Variants in TSPAN5 observed in about 807,000 individuals in gnomAD.
The protein encoded by TSPAN5 is tetraspanin 5.
Under a neutral mutation model 37.1 loss-of-function variants are expected in TSPAN5, and 10 were observed. The ratio of observed to expected loss-of-function variants is 0.27; its 90% CI spans 0.17 to 0.46. The LOEUF is 0.46. Ranked by LOEUF, TSPAN5 falls within the 20% of genes least tolerant of loss-of-function variation. The probability of loss-of-function intolerance (pLI) is 1.00; values close to 1 mark genes in which losing one functional copy is unlikely to be tolerated. For synonymous variants in TSPAN5, 110 were observed against 118.9 expected (o/e 0.93, Z 0.48); for missense variants, 195 against 326.6 (o/e 0.60, Z 3.11).
At chr4:98,539,617 G>A (rs1754315525) in intron 1 of TSPAN5, among the ~76,000 whole-genome samples, 4 of 152,170 alleles carry the variant, frequency 2.6e-5, no homozygotes, top group African/African-American at 9.6e-5. Flanking sequence ...ACTCTAGGGG[G>A]AAGAAAAGGA....
intron 1 of TSPAN5, among the ~76,000 whole-genome samples, chr4:98,655,004 A>C (rs1027271121): frequency 5.9e-5 from 9 of 151,970 alleles, no homozygotes; most frequent in Non-Finnish European, 1.3e-4. Flanking sequence ...CCGCCAACAC[A>C]CCTGGCTAGT....
intron 2 of TSPAN5, among the ~76,000 whole-genome samples, chr4:98,501,903 A>G (rs1051127194): frequency 2.0e-5 from 3 of 152,202 alleles, no homozygotes; most frequent in African/African-American, 7.2e-5. Flanking sequence ...TCAGGGTGCA[A>G]GAGCAGAGGC....
chr4:98,499,159 A>G (rs1003038059), intron 2 of TSPAN5, among the ~76,000 whole-genome samples: 4 of 152,290 alleles, frequency 2.6e-5, no homozygotes, highest in African/African-American at 9.6e-5. Flanking sequence ...GAGCTTCACA[A>G]AGACCAGGAT....
At chr4:98,651,319 T>C (rs909574083) in intron 1 of TSPAN5, among the ~76,000 whole-genome samples, 9 of 152,210 alleles carry the variant, frequency 5.9e-5, no homozygotes, top group Non-Finnish European at 1.3e-4. Context: ...AAGAGCATGA[T>C]AGTGAAGGAC....
rs1274993465 is a variant in TSPAN5, at chr4:98,552,183, T to G, written c.82-44455A>C. Among the ~76,000 whole-genome samples the G allele has an allele frequency of 8.5e-5, 13 of 152,186 alleles. 1 individual carries two copies. The highest frequency in any genetic ancestry group is 3.9e-4 in the Admixed American group (6 of 15,284). On this transcript the variant is annotated intron_variant, in intron 1 of 7. Transcript: ENST00000305798. ...TTCATTTCACTCATCCTTTGTATTG[T>G]TTTTTGGTCTCTAGTTCATGTAGTT...
intron 2 of TSPAN5, among the ~76,000 whole-genome samples, chr4:98,496,055 A>G (rs1159288988): frequency 2.0e-5 from 3 of 152,134 alleles, no homozygotes; most frequent in Non-Finnish European, 4.4e-5. Context: ...CCTACTGACA[A>G]CAGTTTTCCT....
intron 1 of TSPAN5, among the ~76,000 whole-genome samples, chr4:98,567,329 C>T (rs1212872833): frequency 6.6e-6 from 1 of 152,000 alleles, no homozygotes. Context: ...TTTTAACACA[C>T]ACAAAAAAAG....
rs77465105 is a variant in TSPAN5, at chr4:98,491,707, G to A, written c.133-4823C>T. On this transcript the variant is annotated intron_variant, in intron 2 of 7. Transcript: ENST00000305798. Reference sequence around the variant, plus strand: ...GTCTAAAAAAAAAAAAAAAGGTGGGGGGGAACATAATCCTGACAACAGTGA... The same window carrying A: ...GTCTAAAAAAAAAAAAAAAGGTGGGAGGGAACATAATCCTGACAACAGTGA... Among the ~76,000 whole-genome samples, 586 of 151,920 alleles carry A rather than the reference G, an allele frequency of 3.9e-3. 5 individuals carry two copies. Among genetic ancestry groups the A allele is most frequent in the African/African-American group, 0.014 (562 of 41,446 alleles).
chr4:98,558,004 T>C (rs1348977003), intron 1 of TSPAN5, among the ~76,000 whole-genome samples: 1 of 152,170 alleles, frequency 6.6e-6, no homozygotes. Flanking sequence ...GGTGAGATCC[T>C]GGAACAGAAA....
chr4:98,574,640 T>TGGATTCCCATCCC (rs1288395990), intron 1 of TSPAN5: 2 of 152,272 alleles, frequency 1.3e-5, no homozygotes, highest in Non-Finnish European at 2.9e-5. Flanking sequence ...GAGACAGACC[T>TGGATTCCCATCCC]GGCTTCCCAT....
intron 1 of TSPAN5, among the ~76,000 whole-genome samples, chr4:98,572,108 C>T (rs1755136191): frequency 6.6e-6 from 1 of 152,054 alleles, no homozygotes; most frequent in Non-Finnish European, 1.5e-5. Flanking sequence ...CAAGTAGCTG[C>T]GATTACCACC....
chr4:98,503,363 A>G (rs958758431), intron 2 of TSPAN5, among the ~76,000 whole-genome samples: 7 of 152,174 alleles, frequency 4.6e-5, no homozygotes, highest in African/African-American at 1.7e-4. Context: ...GATGAGCACC[A>G]ACAAAATGGA....
At chr4:98,612,258 G>C (rs2110235891) in intron 1 of TSPAN5, among the ~76,000 whole-genome samples, 1 of 152,248 alleles carries the variant, frequency 6.6e-6, no homozygotes, top group Admixed American at 6.5e-5. Context: ...GGGAACAAGA[G>C]GAGCAGGAGG....
At chr4:98,631,558 C>A (rs193141422) in intron 1 of TSPAN5, among the ~76,000 whole-genome samples, 82 of 152,238 alleles carry the variant, frequency 5.4e-4, no homozygotes, top group African/African-American at 2.0e-3. Context: ...CCTGACCCTG[C>A]AGGGCCAACA....
intron 1 of TSPAN5, among the ~76,000 whole-genome samples, chr4:98,607,538 GT>G (rs1210998485): frequency 6.6e-6 from 1 of 152,104 alleles, no homozygotes; most frequent in African/African-American, 2.4e-5. Flanking sequence ...AGTAGCCTAA[GT>G]TATTTGGCAT....
At chr4:98,647,327 G>C (rs1757089228) in intron 1 of TSPAN5, among the ~76,000 whole-genome samples, 1 of 152,180 alleles carries the variant, frequency 6.6e-6, no homozygotes, top group South Asian at 2.1e-4. Context: ...AAATGTTAAG[G>C]CTGCTTGGGG....
At chr4:98,561,421 G>T (rs1241836845) in intron 1 of TSPAN5, among the ~76,000 whole-genome samples, 2 of 152,150 alleles carry the variant, frequency 1.3e-5, no homozygotes, top group Non-Finnish European at 2.9e-5. Context: ...TTTTTCCATT[G>T]TCATATCCCT....
At chr4:98,633,113 G>C (rs1021459932) in intron 1 of TSPAN5, among the ~76,000 whole-genome samples, 1 of 152,172 alleles carries the variant, frequency 6.6e-6, no homozygotes, top group Non-Finnish European at 1.5e-5. Flanking sequence ...AAAGGTGATA[G>C]GTGAGAGGGT....
intron 1 of TSPAN5, among the ~76,000 whole-genome samples, chr4:98,634,338 G>A (rs1756810499): frequency 6.6e-6 from 1 of 152,098 alleles, no homozygotes; most frequent in Admixed American, 6.5e-5. Context: ...CCCTACCTAA[G>A]CCACCAAAGG....
Sources: gnomAD v4.1 joint callset for allele counts (sites outside exome capture counted in the v4.1 genomes callset) on GRCh38, gnomAD v4.1.1 for gene constraint, MANE v1.5 for transcripts, NCBI Gene and HGNC (gene_info 2026-07-23, HGNC 2026-07-21) for gene names.